C2CD2: variants seen among roughly 807,000 people sequenced by gnomAD.
C2CD2 encodes C2 domain-containing protein 2.
Under a neutral mutation model 74.3 loss-of-function variants are expected in C2CD2, and 43 were observed. The ratio of observed to expected loss-of-function variants is 0.58; its 90% CI spans 0.45 to 0.75. C2CD2 has a LOEUF of 0.75. Among genes scored for constraint, C2CD2 ranks in the 30% least tolerant of loss-of-function variants. The probability of loss-of-function intolerance (pLI) is 0.00; values close to 1 mark genes in which losing one functional copy is unlikely to be tolerated. For missense variants in C2CD2, 801 were observed against 916.3 expected, an observed-to-expected ratio of 0.87 and a Z score of 1.63; for synonymous variants, 422 against 390.7, an observed-to-expected ratio of 1.08 and a Z score of -0.94.
In C2CD2 at chr21:41,899,415, T is replaced by A; in HGVS notation, c.1561-53A>T. The A allele has an allele frequency of 2.6e-6, 4 of 1,529,522 alleles. No homozygotes were observed. Among genetic ancestry groups the A allele is most frequent in the Non-Finnish European group, 3.6e-6 (4 of 1,125,660 alleles). The allele number at this position is 1,529,522 out of a possible 1,614,324, so 94.7% of individuals were successfully genotyped here. A position where few individuals can be genotyped will look rare whatever the true frequency, so the allele number is the denominator to read the frequency against. On this transcript the variant is annotated intron_variant, in intron 12 of 13. Transcript: ENST00000380486. This position sits in a 1 kb window ranked among gnomAD's most constrained non-coding sequence, Gnocchi z 4.4. ...AGGGATACATGAAAGGAAGGGAGGG[T>A]TTGAAAAGAACTGAAAAGCACTCTC...
rs1243085231 is a variant in C2CD2 at position 41,905,742 on chromosome 21, G to A, written c.1414C>T (p.Leu472Phe). ...ACRSAPVSKT[L>F]SSSDTELLVL... ...CAGTTACCTGTGTCTGAAGAAGAGA[G>A]TGTTTTGCTGACGGGGGCGCTGCGG... is the stretch of plus-strand genomic sequence containing the variant. Residue 472 changes from leucine to phenylalanine, a missense_variant, in exon 11 of 14, where the codon CTC becomes TTC. Coordinates refer to ENST00000380486, the MANE Select transcript of C2CD2 (RefSeq NM_015500.2). The A allele has an allele frequency of 2.5e-6, 4 of 1,601,654 alleles. No homozygotes were observed. Among genetic ancestry groups the A allele is most frequent in the Non-Finnish European group, 3.4e-6 (4 of 1,169,240 alleles).
intron 5 of C2CD2, among the ~76,000 whole-genome samples, chr21:41,917,847 G>A (rs2065109779): frequency 6.6e-6 from 1 of 152,122 alleles, no homozygotes; most frequent in African/African-American, 2.4e-5. Context: ...CTTGGTCCTG[G>A]AAAGATGAGG....
At chr21:41,916,840 TG>T (rs2065097657) in intron 5 of C2CD2, among the ~76,000 whole-genome samples, 1 of 152,230 alleles carries the variant, frequency 6.6e-6, no homozygotes, top group Non-Finnish European at 1.5e-5. Context: ...ATTAAATTCA[TG>T]GATTCCAAAA....
chr21:41,911,783 C>T (rs960898514), intron 7 of C2CD2, among the ~76,000 whole-genome samples: 26 of 152,216 alleles, frequency 1.7e-4, no homozygotes, highest in African/African-American at 5.8e-4. Flanking sequence ...CTCGCTCTCC[C>T]AGACTCAAGC....
At chr21:41,917,265 T>C (rs1436089648) in intron 5 of C2CD2, among the ~76,000 whole-genome samples, 2 of 152,226 alleles carry the variant, frequency 1.3e-5, no homozygotes, top group African/African-American at 2.4e-5. Flanking sequence ...GCTGGTGACA[T>C]CTGCAGACCA....
chr21:41,953,423 G>A lies in C2CD2; in HGVS notation c.226C>T (p.Gln76Ter). 6.9e-7 allele frequency: 1 copy of A among 1,447,930 alleles called. No homozygotes were observed. Among genetic ancestry groups the A allele is most frequent in the Non-Finnish European group, 9.1e-7 (1 of 1,093,258 alleles). The allele number at this position is 1,447,930 out of a possible 1,614,324, so 89.7% of individuals were successfully genotyped here. Reference protein sequence around the residue: ...WILTLGSWRSQWQAAWVTALN... With the variant: ...WILTLGSWRS ...GCGGTCACCCAGGCCGCCTGCCACT[G>A]GCTCCTCCAGCTGCCCAGCGTCAGG... Residue 76 changes from glutamine (Q) to a stop codon, truncating the protein, a stop_gained, in exon 1 of 14, where the codon CAG (glutamine) becomes TAG (stop). Coordinates refer to ENST00000380486, the MANE Select transcript of C2CD2 (RefSeq NM_015500.2). LOFTEE classifies it high-confidence loss of function.
intron 13 of C2CD2, 116 bp downstream of exon 13, chr21:41,898,937 G>A (rs985579931): frequency 2.5e-6 from 2 of 787,816 alleles, no homozygotes; most frequent in African/African-American, 1.7e-5. Flanking sequence ...GGTGAGGCTG[G>A]GAGGGAGTTT....
At chr21:41,927,775 G>A (rs563498085) in intron 2 of C2CD2, among the ~76,000 whole-genome samples, 2 of 152,244 alleles carry the variant, frequency 1.3e-5, no homozygotes, top group East Asian at 3.9e-4. Flanking sequence ...GGCCAAAGAT[G>A]TATTTTTATA....
At chr21:41,910,078 C>T (rs914548103) in intron 7 of C2CD2, among the ~76,000 whole-genome samples, 4 of 151,698 alleles carry the variant, frequency 2.6e-5, no homozygotes, top group African/African-American at 9.7e-5. Flanking sequence ...AAGCCATCCT[C>T]CCACCTCGGC....
intron 11 of C2CD2, 53 bp downstream of exon 11, chr21:41,905,671 C>A: frequency 1.1e-6 from 1 of 945,714 alleles, no homozygotes. Flanking sequence ...CAGAACAGCC[C>A]AAAAGGCCCA....
Position 41,953,727 on chromosome 21 carries a change from T to G in C2CD2, c.-79A>C. 1 of 1,232,710 alleles carries G rather than the reference T, an allele frequency of 8.1e-7. No individual in the cohort carries two copies. The highest frequency in any genetic ancestry group is 4.3e-5 in the Admixed American group (1 of 23,272). 76.4% of individuals were successfully genotyped at this position (1,232,710 alleles called of 1,614,324 possible). A position where few individuals can be genotyped will look rare whatever the true frequency, so the allele number is the denominator to read the frequency against. ...CGGCGGACTCAGGACACGCGCTGGC[T>G]GCGGCCACAGCGCGCTGGGGGCGTG... On this transcript the variant is annotated 5_prime_UTR_variant, in exon 1 of 14. Transcript: ENST00000380486.
rs1210061532 is a variant in C2CD2, at chr21:41,885,727, G to A, written c.*3397C>T. ...TACTACCCAGGAAACACCTGCCTTC[G>A]GTGGCCAGCAGTGTAAATTAATCTT... On this transcript the variant is annotated 3_prime_UTR_variant, in exon 14 of 14. Coordinates refer to ENST00000380486, the MANE Select transcript of C2CD2 (RefSeq NM_015500.2). 2.0e-5 allele frequency: 3 copies of A among 152,500 alleles called. No individual in the cohort carries two copies. Among genetic ancestry groups the A allele is most frequent in the Non-Finnish European group, 2.9e-5 (2 of 68,040 alleles). The allele number at this position is 152,500 out of a possible 1,614,324, so 9.4% of individuals were successfully genotyped here. A position where few individuals can be genotyped will look rare whatever the true frequency, so the allele number is the denominator to read the frequency against.
chr21:41,927,170 A>C (rs1391786570), intron 2 of C2CD2, among the ~76,000 whole-genome samples: 1 of 152,162 alleles, frequency 6.6e-6, no homozygotes, highest in Non-Finnish European at 1.5e-5. Context: ...ATGTATTTTT[A>C]TTTATTTATT....
chr21:41,894,956 AC>A (rs1269237444), intron 13 of C2CD2: 1 of 456,694 alleles, frequency 2.2e-6, no homozygotes, highest in South Asian at 1.5e-5. Context: ...CACGAGCAAC[AC>A]CTGTGAGGTG....
intron 13 of C2CD2, among the ~76,000 whole-genome samples, chr21:41,897,009 G>A (rs902117637): frequency 3.9e-5 from 6 of 152,312 alleles, no homozygotes; most frequent in South Asian, 2.1e-4. Flanking sequence ...CCCAAATGCC[G>A]AGCCTCCGGC....
intron 10 of C2CD2, among the ~76,000 whole-genome samples, chr21:41,906,297 C>T: frequency 6.6e-6 from 1 of 152,238 alleles, no homozygotes. Flanking sequence ...GGACCACTCA[C>T]TTTGAATTTT....
At chr21:41,941,749 C>A (rs1253472044) in intron 2 of C2CD2, among the ~76,000 whole-genome samples, 2 of 152,182 alleles carry the variant, frequency 1.3e-5, no homozygotes, top group Non-Finnish European at 2.9e-5. Flanking sequence ...TCAGCAGTTA[C>A]TCTCCATTTT....
chr21:41,944,521 CAAAAAAA>C (rs369422328), intron 1 of C2CD2, among the ~76,000 whole-genome samples: 1 of 97,948 alleles, frequency 1.0e-5, no homozygotes, highest in Admixed American at 1.3e-4. Context: ...GACTCTGCCT[CAAAAAAA>C]AAAAAAAAAA....
At chr21:41,930,279 G>A (rs1458247320) in intron 2 of C2CD2, among the ~76,000 whole-genome samples, 1 of 150,160 alleles carries the variant, frequency 6.7e-6, no homozygotes, top group Non-Finnish European at 1.5e-5. Flanking sequence ...CTGGTGAAAG[G>A]GAGGTAAGAG....
Sources: gnomAD v4.1 joint callset for allele counts (sites outside exome capture counted in the v4.1 genomes callset) on GRCh38, gnomAD v4.1.1 for gene constraint, Gnocchi (gnomAD v3.1) non-coding constraint, MANE v1.5 for transcripts, NCBI Gene and HGNC (gene_info 2026-07-23, HGNC 2026-07-21) for gene names.